PHGR1: variants seen among roughly 807,000 people sequenced by gnomAD.
PHGR1 encodes proline, histidine and glycine rich 1.
A neutral mutation model predicts 4.9 loss-of-function variants in PHGR1; 3 were observed. The observed-to-expected ratio is 0.61, with a 90% CI of 0.28 to 1.58. PHGR1 has a LOEUF of 1.58. PHGR1 is among the 40% of genes most tolerant of loss of function. The probability of loss-of-function intolerance (pLI) is 0.11; values close to 1 mark genes in which losing one functional copy is unlikely to be tolerated. For synonymous variants in PHGR1, 32 were observed against 46.1 expected, an observed-to-expected ratio of 0.69 and a Z score of 1.24; for missense variants, 81 against 118.7, an observed-to-expected ratio of 0.68 and a Z score of 1.48.
rs1229087271 is a variant in PHGR1 at position 40,353,620 on chromosome 15, T to A, written c.10+353T>A. ...AATCCAGTTCTTGGGAGCTGTGCCATCGGCTTCCCTCGAAATGAACAAAAG... is the reference window on the plus strand; with the variant it reads ...AATCCAGTTCTTGGGAGCTGTGCCAACGGCTTCCCTCGAAATGAACAAAAG... On this transcript the variant is annotated intron_variant, in intron 2 of 3. Coordinates refer to ENST00000448599, the MANE Select transcript of PHGR1 (RefSeq NM_001145643.2). The A allele has an allele frequency of 2.4e-5, 7 of 287,136 alleles. No homozygotes were observed. In the East Asian group the frequency reaches 4.8e-4, roughly 20 times the overall value. 17.8% of individuals were successfully genotyped at this position (287,136 alleles called of 1,614,324 possible).
At chr15:40,355,560 C>T (rs1186235797) in intron 3 of PHGR1, among the ~76,000 whole-genome samples, 3 of 152,160 alleles carry the variant, frequency 2.0e-5, no homozygotes, top group African/African-American at 7.2e-5. Context: ...GTCTTCTCAT[C>T]CTCCAACTGT....
intron 1 of PHGR1, among the ~76,000 whole-genome samples, chr15:40,352,587 G>A (rs1363269893): frequency 6.6e-6 from 1 of 152,126 alleles, no homozygotes; most frequent in Non-Finnish European, 1.5e-5. Context: ...TTCCAATCCT[G>A]GTGGGAGGAG....
chr15:40,356,402 C>T lies in PHGR1; in HGVS notation c.*99C>T. 6.5e-7 allele frequency: 1 copy of T among 1,529,200 alleles called. No individual in the cohort carries two copies. Among genetic ancestry groups the T allele is most frequent in the African/African-American group, 1.4e-5 (1 of 72,808 alleles). The allele number at this position is 1,529,200 out of a possible 1,614,324, so 94.7% of individuals were successfully genotyped here. On this transcript the variant is annotated 3_prime_UTR_variant, in exon 4 of 4. Transcript: ENST00000448599. ...ACCACAATCTTCTCTTCCTAATAAA[C>T]AGCCTCCTAGAGGCCACATTCTATT... is the stretch of plus-strand genomic sequence containing the variant.
chr15:40,356,010 C>T, intron 3 of PHGR1, 63 bp from the exon 4 acceptor site: 1 of 1,492,222 alleles, frequency 6.7e-7, no homozygotes. Context: ...TGAGGGAGAG[C>T]TGATCTCAGG....
intron 1 of PHGR1, among the ~76,000 whole-genome samples, chr15:40,351,687 G>C (rs1889209192): frequency 6.6e-6 from 1 of 152,142 alleles, no homozygotes; most frequent in Non-Finnish European, 1.5e-5. Flanking sequence ...GGGAGGCTAA[G>C]GTGAGAGGAT....
At position 40,353,142 on chromosome 15, in the gene PHGR1, T is replaced by A. The variant is rs878885615; in HGVS notation, c.-26-90T>A. The A allele has an allele frequency of 8.5e-6, 8 of 941,860 alleles. 1 individual carries two copies. In the African/African-American group the frequency reaches 1.3e-4, roughly 15 times the overall value. 58.3% of individuals were successfully genotyped at this position (941,860 alleles called of 1,614,324 possible). A position where few individuals can be genotyped will look rare whatever the true frequency, so the allele number is the denominator to read the frequency against. ...GTGTGTGTGTGTGTGTGTGTGTGTG[T>A]GTGTGCGCGCGCGCGCGCATCCGTG... On this transcript the variant is annotated intron_variant, in intron 1 of 3. Transcript: ENST00000448599.
intron 1 of PHGR1, among the ~76,000 whole-genome samples, chr15:40,351,583 A>G (rs544320145): frequency 4.6e-5 from 7 of 152,276 alleles, no homozygotes; most frequent in Non-Finnish European, 8.8e-5. Context: ...CCTCAGCTGA[A>G]CACTTTGAGT....
At chr15:40,355,516 A>G (rs1357617912) in intron 3 of PHGR1, among the ~76,000 whole-genome samples, 3 of 152,090 alleles carry the variant, frequency 2.0e-5, no homozygotes, top group African/African-American at 7.2e-5. Context: ...AAAAGAATAC[A>G]TACATCCTCA....
Position 40,356,129 on chromosome 15 carries a change from T to C in PHGR1, c.75T>C (p.Pro25=), listed in dbSNP as rs768258411. The C allele has an allele frequency of 2.7e-5, 41 of 1,512,802 alleles. No homozygotes were observed. The highest frequency in any genetic ancestry group is 3.5e-4 in the Middle Eastern group (2 of 5,692). The allele number at this position is 1,512,802 out of a possible 1,614,324, so 93.7% of individuals were successfully genotyped here. A position where few individuals can be genotyped will look rare whatever the true frequency, so the allele number is the denominator to read the frequency against. ...CTCCAGGTCACTGCGGGCCACCCCC[T>C]GGCCATGGCCCAGGGCCCTGCGGGC... ...GHPPGHCGPP[P]GHGPGPCGPP... is the part of the protein sequence containing the mutation. The change falls in exon 4 of 4, where the codon CCT becomes CCC. Residue 25 remains proline (P), a synonymous_variant. Coordinates refer to ENST00000448599, the MANE Select transcript of PHGR1 (RefSeq NM_001145643.2).
rs1889301590 is a variant in PHGR1 at position 40,356,332 on chromosome 15, G to A, written c.*29G>A. On this transcript the variant is annotated 3_prime_UTR_variant, in exon 4 of 4. Transcript: ENST00000448599. ...AGTAGAAGAAAACAGGACACAAGAT[G>A]GCAAGCCTGAGAGAATTGCCCAGCT... The A allele has an allele frequency of 6.5e-7, 1 of 1,549,648 alleles. No homozygotes were observed. Among genetic ancestry groups the A allele is most frequent in the African/African-American group, 1.4e-5 (1 of 72,968 alleles).
chr15:40,352,459 C>T (rs1381006096), intron 1 of PHGR1, among the ~76,000 whole-genome samples: 1 of 152,156 alleles, frequency 6.6e-6, no homozygotes, highest in Non-Finnish European at 1.5e-5. Flanking sequence ...TTGTGACTTG[C>T]CAGCCCCAAG....
At chr15:40,353,962 G>A (rs1889249483) in intron 2 of PHGR1, among the ~76,000 whole-genome samples, 1 of 152,218 alleles carries the variant, frequency 6.6e-6, no homozygotes, top group East Asian at 1.9e-4. Flanking sequence ...GGACAGATGG[G>A]GAGGTTGGCA....
rs754442317 is a variant in PHGR1 at position 40,356,282 on chromosome 15, A to C, written c.228A>C (p.Pro76=). The part of the protein sequence containing the change: ...GPPPGHGPGH[P]PPGPHH ...CCCCTGGCCATGGCCCAGGTCACCCACCCCCTGGTCCACATCACTGAGGAA... is the reference window on the plus strand; with the variant it reads ...CCCCTGGCCATGGCCCAGGTCACCCCCCCCCTGGTCCACATCACTGAGGAA... Residue 76 remains proline (P), a synonymous_variant, in exon 4 of 4, where the codon CCA becomes CCC. Transcript: ENST00000448599. The C allele has an allele frequency of 6.9e-5, 106 of 1,544,612 alleles. No individual in the cohort carries two copies. Among genetic ancestry groups the C allele is most frequent in the Non-Finnish European group, 8.7e-5 (100 of 1,145,144 alleles).
chr15:40,353,135 GTGTGT>G, intron 1 of PHGR1, 92 bp from the exon 2 acceptor site: 2 of 925,390 alleles, frequency 2.2e-6, no homozygotes, highest in Non-Finnish European at 3.3e-6. Flanking sequence ...GTGTGTGTGT[GTGTGT>G]GTGTGTGCGC....
In PHGR1 at chr15:40,353,388, T is replaced by C. The variant is rs561851774; in HGVS notation, c.10+121T>C. 2.1e-5 allele frequency: 27 copies of C among 1,286,970 alleles called. No individual in the cohort carries two copies. In the South Asian group the frequency reaches 2.8e-4, roughly 13 times the overall value. 79.7% of individuals were successfully genotyped at this position (1,286,970 alleles called of 1,614,324 possible). ...GCCAAAAATGTACGTGCGTGTGTGT[T>C]TGTATGAAGGCAGTGGTAGGGGTCC... On this transcript the variant is annotated intron_variant, in intron 2 of 3. Coordinates refer to ENST00000448599, the MANE Select transcript of PHGR1 (RefSeq NM_001145643.2).
intron 2 of PHGR1, 82 bp downstream of exon 2, chr15:40,353,349 C>T: frequency 6.5e-7 from 1 of 1,533,542 alleles, no homozygotes. Flanking sequence ...ATCAGTCAGC[C>T]ATAACTAGTG....
intron 3 of PHGR1, among the ~76,000 whole-genome samples, chr15:40,355,087 G>A (rs1889270528): frequency 6.6e-6 from 1 of 152,074 alleles, no homozygotes; most frequent in African/African-American, 2.4e-5. Flanking sequence ...CTGCTCCACA[G>A]GGCCCCAGAC....
Position 40,351,696 on chromosome 15 carries a change from A to C in PHGR1, c.-27+634A>C, listed in dbSNP as rs559967997. 1.2e-4 allele frequency among the ~76,000 whole-genome samples: 18 copies of C among 152,114 alleles called. No homozygotes were observed. In the South Asian group the frequency reaches 3.7e-3, roughly 32 times the overall value. ...CACTTTGGGAGGCTAAGGTGAGAGG[A>C]TCACTTGAGCCTAGGCTACATAGTG... On this transcript the variant is annotated intron_variant, in intron 1 of 3. Coordinates refer to ENST00000448599, the MANE Select transcript of PHGR1 (RefSeq NM_001145643.2).
rs1889235386 is a variant in PHGR1 at position 40,353,157 on chromosome 15, GCGCAT to G, written c.-26-73_-26-69del. The stretch of plus-strand genomic sequence containing the variant: ...TGTGTGTGTGTGTGTGCGCGCGCGC[GCGCAT>G]CCGTGGGAGGGAGAAAGGAAAGACT... On this transcript the variant is annotated intron_variant, in intron 1 of 3. Transcript: ENST00000448599. 9 of 1,359,076 alleles carry G rather than the reference GCGCAT, an allele frequency of 6.6e-6. No individual in the cohort carries two copies. In the African/African-American group the frequency reaches 1.2e-4, roughly 18 times the overall value. 84.2% of individuals were successfully genotyped at this position (1,359,076 alleles called of 1,614,324 possible).
Sources: gnomAD v4.1 joint callset for allele counts (sites outside exome capture counted in the v4.1 genomes callset) on GRCh38, gnomAD v4.1.1 for gene constraint, MANE v1.5 for transcripts, NCBI Gene and HGNC (gene_info 2026-07-23, HGNC 2026-07-21) for gene names.